The following RIMS2 variants were observed in gnomAD, a reference collection of about 807,000 sequenced individuals.
RIMS2 encodes regulating synaptic membrane exocytosis 2, also known as regulating synaptic membrane exocytosis protein 2.
In RIMS2, 59 loss-of-function variants were observed where a neutral mutation model predicts 174.4. That is an observed-to-expected ratio of 0.34 (90% CI 0.27 to 0.42). The LOEUF (loss-of-function observed/expected upper bound fraction) is 0.42. RIMS2 is among the 10% of genes least tolerant of loss of function. The pLI, the probability that RIMS2 is intolerant of heterozygous loss-of-function variation, is 1.00. For missense variants in RIMS2, 1,620 were observed against 1,666.3 expected (o/e 0.97, Z 0.48); for synonymous variants, 606 against 572.5 (o/e 1.06, Z -0.84).
intron 16 of RIMS2, 69 bp downstream of exon 18, chr8:103,975,575 T>G: frequency 9.4e-7 from 1 of 1,068,140 alleles, no homozygotes; most frequent in Non-Finnish European, 1.4e-6. Context: ...GGGACAAAAC[T>G]AATAGGATAT....
intron 17 of RIMS2, among the ~76,000 whole-genome samples, chr8:104,001,243 G>A (rs1346909369): frequency 6.6e-6 from 1 of 151,816 alleles, no homozygotes; most frequent in Non-Finnish European, 1.5e-5. Context: ...GATTTGAAAT[G>A]TTCCCAACAC....
intron 1 of RIMS2, among the ~76,000 whole-genome samples, chr8:103,550,274 A>G (rs1242374211): frequency 6.6e-6 from 1 of 152,250 alleles, no homozygotes; most frequent in Non-Finnish European, 1.5e-5. Context: ...CCACAGTGCA[A>G]TCAAACTAGA....
At chr8:103,752,636 A>G (rs2139791616) in intron 2 of RIMS2, among the ~76,000 whole-genome samples, 1 of 152,316 alleles carries the variant, frequency 6.6e-6, no homozygotes, top group South Asian at 2.1e-4. Context: ...TTCTCCTTGA[A>G]GAGGTCCTTC....
At chr8:104,157,870 A>C (rs1307371533) in intron 19 of RIMS2, among the ~76,000 whole-genome samples, 2 of 151,974 alleles carry the variant, frequency 1.3e-5, no homozygotes, top group African/African-American at 4.8e-5. Flanking sequence ...TGATAATTTA[A>C]TTTTTGTTTT....
chr8:104,093,652 A>T lies in RIMS2; in HGVS notation c.3334+79037A>T, dbSNP rs187177666. The T allele has an allele frequency of 6.7e-4, 1,060 of 1,582,200 alleles. 4 individuals are homozygous for T. The highest frequency in any genetic ancestry group is 7.7e-4 in the Non-Finnish European group (897 of 1,170,738). On this transcript the variant is annotated intron_variant, in intron 19 of 23. Transcript: ENST00000504942. ...GGAAACAAGAAAATCAGGTAAGGGGATTTCAACAACAAACTTCTCTAAATA... is the reference window on the plus strand; with the variant it reads ...GGAAACAAGAAAATCAGGTAAGGGGTTTTCAACAACAAACTTCTCTAAATA...
intron 1 of RIMS2, among the ~76,000 whole-genome samples, chr8:103,540,424 G>T (rs1056448464): frequency 2.0e-5 from 3 of 152,158 alleles, no homozygotes; most frequent in Non-Finnish European, 2.9e-5. Context: ...TGCCAGAGCT[G>T]CACAGAGACA....
chr8:104,015,552 G>A, intron 19 of RIMS2: 2 of 576,862 alleles, frequency 3.5e-6, no homozygotes, highest in African/African-American at 1.9e-5. Flanking sequence ...TCCTTTCGTT[G>A]TGTAGACTTA....
chr8:104,172,959 A>G (rs1387303474), intron 19 of RIMS2, among the ~76,000 whole-genome samples: 1 of 152,202 alleles, frequency 6.6e-6, no homozygotes, highest in Non-Finnish European at 1.5e-5. Context: ...AAGATTGCCC[A>G]GTCAAGAAGT....
At chr8:103,995,873 G>C (rs2095060533) in intron 17 of RIMS2, among the ~76,000 whole-genome samples, 1 of 151,930 alleles carries the variant, frequency 6.6e-6, no homozygotes. Context: ...AAAGGTAAAG[G>C]AGAGAAATCT....
intron 19 of RIMS2, among the ~76,000 whole-genome samples, chr8:104,142,824 G>A (rs750421817): frequency 6.6e-6 from 1 of 152,052 alleles, no homozygotes. Context: ...ACAGACACAC[G>A]CGTGCACCCT....
chr8:104,044,816 T>G (rs35910199), intron 19 of RIMS2, among the ~76,000 whole-genome samples: 108,930 of 151,296 alleles, frequency 0.72, 40,336 homozygotes, highest in African/African-American at 0.85. Flanking sequence ...CATTGTGTTT[T>G]GGATTCTACA....
At chr8:103,588,873 C>A (rs1191260190) in intron 1 of RIMS2, among the ~76,000 whole-genome samples, 1 of 151,750 alleles carries the variant, frequency 6.6e-6, no homozygotes, top group East Asian at 1.9e-4. Flanking sequence ...AGTGATATCC[C>A]ACAAACACAG....
In RIMS2 at chr8:103,702,742, C is replaced by G. The variant is rs559412797; in HGVS notation, c.387+5446C>G. Among the ~76,000 whole-genome samples the G allele has an allele frequency of 3.3e-5, 5 of 151,742 alleles. No homozygotes were observed. The South Asian group carries it at 1.0e-3, about 32-fold the overall frequency. ...AGATGCATTGATTTATTTCTGAATTCTCTGTTCTTTTCCCTGGGTCTATGT... is the reference window on the plus strand; with the variant it reads ...AGATGCATTGATTTATTTCTGAATTGTCTGTTCTTTTCCCTGGGTCTATGT... On this transcript the variant is annotated intron_variant, in intron 2 of 23. Transcript: ENST00000504942.
At chr8:104,072,558 C>T (rs536852407) in intron 19 of RIMS2, among the ~76,000 whole-genome samples, 1 of 152,286 alleles carries the variant, frequency 6.6e-6, no homozygotes, top group African/African-American at 2.4e-5. Context: ...TCCAAAGCCT[C>T]AGACATATGA....
chr8:103,922,748 G>T, intron 10 of RIMS2: 1 of 288,064 alleles, frequency 3.5e-6, no homozygotes, highest in Admixed American at 3.7e-5. Flanking sequence ...TTTTGGGGGT[G>T]GGTGGGGAGG....
At chr8:104,243,527 A>C (rs1208784196) in intron 19 of RIMS2, among the ~76,000 whole-genome samples, 1 of 152,130 alleles carries the variant, frequency 6.6e-6, no homozygotes, top group Non-Finnish European at 1.5e-5. Flanking sequence ...TCTACTAAAA[A>C]TACAAAAAAT....
At chr8:104,036,132 AT>A (rs1048656662) in intron 19 of RIMS2, among the ~76,000 whole-genome samples, 8 of 127,536 alleles carry the variant, frequency 6.3e-5, no homozygotes, top group East Asian at 2.1e-4. Flanking sequence ...AATTTATTTT[AT>A]TTTATTTATT....
chr8:103,919,680 G>C (rs2077234730), intron 9 of RIMS2, among the ~76,000 whole-genome samples: 1 of 152,026 alleles, frequency 6.6e-6, no homozygotes, highest in African/African-American at 2.4e-5. Context: ...TATTAAAATA[G>C]ATGTTTTTTA....
intron 19 of RIMS2, among the ~76,000 whole-genome samples, chr8:104,095,920 A>C (rs1338785942): frequency 6.6e-6 from 1 of 152,064 alleles, no homozygotes; most frequent in Non-Finnish European, 1.5e-5. Flanking sequence ...GTTATCTTAG[A>C]TATATTTAAC....
Sources: gnomAD v4.1 joint callset for allele counts (sites outside exome capture counted in the v4.1 genomes callset) on GRCh38, gnomAD v4.1.1 for gene constraint, MANE v1.5 for transcripts, NCBI Gene and HGNC (gene_info 2026-07-23, HGNC 2026-07-21) for gene names.